DCHS2: variants seen among roughly 807,000 people sequenced by gnomAD.
DCHS2 encodes the protein dachsous cadherin-related 2.
DCHS2 carries 142 observed loss-of-function variants against 182.4 expected under a neutral mutation model. That is an observed-to-expected ratio of 0.78 (90% CI 0.68 to 0.89). DCHS2 has a LOEUF of 0.89. Among genes scored for constraint, DCHS2 ranks in the 40% least tolerant of loss-of-function variants. The pLI is 0.00. For synonymous variants in DCHS2, 1,740 were observed against 1,663.3 expected (o/e 1.05, Z -1.12); for missense variants, 4,319 against 4,198.6 (o/e 1.03, Z -0.79).
intron 3 of DCHS2, among the ~76,000 whole-genome samples, chr4:154,365,024 A>C (rs1730286737): frequency 6.6e-6 from 1 of 152,178 alleles, no homozygotes; most frequent in Admixed American, 6.5e-5. Flanking sequence ...TTATAATCAA[A>C]TATTTAAACC....
rs58997243 is a variant in DCHS2, at chr4:154,350,090, T to C, written c.2477-14986A>G. On this transcript the variant is annotated intron_variant, in intron 3 of 19. Coordinates refer to ENST00000357232, the MANE Select transcript of DCHS2 (RefSeq NM_001358235.2). ...CTTCTCTCAGCAACTGCTTCTTCAT[T>C]GGAAACATAAGGAAACGCGTAGGCT... 7.1e-3 allele frequency among the ~76,000 whole-genome samples: 1,077 copies of C among 152,302 alleles called. 11 individuals carry two copies. Among genetic ancestry groups the C allele is most frequent in the African/African-American group, 0.024 (1,006 of 41,568 alleles).
intron 1 of DCHS2, among the ~76,000 whole-genome samples, chr4:154,420,214 C>T (rs1733045671): frequency 6.6e-6 from 1 of 150,842 alleles, no homozygotes; most frequent in African/African-American, 2.4e-5. Context: ...CAGAGTTCTC[C>T]AGAGAAACAG....
Position 154,490,437 on chromosome 4 carries a change from C to A in DCHS2, c.919G>T (p.Glu307Ter). 6.5e-7 allele frequency: 1 copy of A among 1,534,552 alleles called. No homozygotes were observed. Among genetic ancestry groups the A allele is most frequent in the Non-Finnish European group, 8.7e-7 (1 of 1,145,480 alleles). Residue 307 changes from glutamate to a stop codon, truncating the protein, a stop_gained, in exon 1 of 20, where the codon GAG (glutamate) becomes TAG (stop). Transcript: ENST00000357232. LOFTEE classifies it high-confidence loss of function. ...EQDEYRAAVREDAQPGAEVCR... is the reference protein window; with the variant it reads ...EQDEYRAAVR ...ACCTCGGCGCCCGGCTGGGCGTCCT[C>A]GCGCACCGCGGCGCGGTACTCGTCC... is the stretch of plus-strand genomic sequence containing the variant.
intron 1 of DCHS2, among the ~76,000 whole-genome samples, chr4:154,398,594 C>A (rs554680222): frequency 6.6e-6 from 1 of 152,218 alleles, no homozygotes; most frequent in South Asian, 2.1e-4. Context: ...AGAATAACTT[C>A]CAAAATTTTT....
chr4:154,333,063 G>C lies in DCHS2; in HGVS notation c.3145C>G (p.Leu1049Val), dbSNP rs548645543. ...TCCTCGGCCCTGAGAGTCAGCGTGA[G>C]CTCCCGCTGCTCGCCCGCGCCCAGG... ...GSLGAGEQRELTLTLRAEDQG... is the reference protein window; with the variant it reads ...GSLGAGEQREVTLTLRAEDQG... The change falls in exon 5 of 20, where the codon CTC becomes GTC. Residue 1049 changes from leucine (L) to valine (V), a missense_variant. Coordinates refer to ENST00000357232, the MANE Select transcript of DCHS2 (RefSeq NM_001358235.2). 31 of 1,614,018 alleles carry C rather than the reference G, an allele frequency of 1.9e-5. No individual in the cohort carries two copies. In the Admixed American group the frequency reaches 5.0e-4, roughly 26 times the overall value.
chr4:154,382,682 A>C (rs1309958683), intron 1 of DCHS2, among the ~76,000 whole-genome samples: 1 of 152,192 alleles, frequency 6.6e-6, no homozygotes, highest in Non-Finnish European at 1.5e-5. Context: ...AAAAGTGGGC[A>C]AAAGACATTA....
chr4:154,452,299 C>T (rs1274167480), intron 1 of DCHS2, among the ~76,000 whole-genome samples: 2 of 152,218 alleles, frequency 1.3e-5, no homozygotes, highest in Non-Finnish European at 2.9e-5. Context: ...TAATACTCTC[C>T]TAACATGTAT....
chr4:154,297,817 G>A (rs1734999645), intron 13 of DCHS2, 34 bp downstream of exon 13: 3 of 1,578,758 alleles, frequency 1.9e-6, no homozygotes, highest in Non-Finnish European at 2.6e-6. Flanking sequence ...GTCAAAACAG[G>A]TACAATATAT....
chr4:154,461,238 C>T (rs149218076), intron 1 of DCHS2, among the ~76,000 whole-genome samples: 2,356 of 152,248 alleles, frequency 0.015, 29 homozygotes, highest in Admixed American at 0.02. Flanking sequence ...ATTGAAAACA[C>T]GTTTATCCTT....
intron 14 of DCHS2, among the ~76,000 whole-genome samples, chr4:154,264,219 A>G (rs988753444): frequency 2.6e-5 from 4 of 152,220 alleles, no homozygotes; most frequent in Non-Finnish European, 5.9e-5. Context: ...CTCATAGTCT[A>G]CAAGCACTAA....
intron 1 of DCHS2, among the ~76,000 whole-genome samples, chr4:154,466,366 G>A (rs759592344): frequency 6.6e-6 from 1 of 152,166 alleles, no homozygotes; most frequent in African/African-American, 2.4e-5. Flanking sequence ...AATTACCCAA[G>A]TCTAAGTTTT....
intron 1 of DCHS2, among the ~76,000 whole-genome samples, chr4:154,447,016 G>T (rs1734327444): frequency 1.3e-5 from 2 of 152,050 alleles, no homozygotes; most frequent in African/African-American, 4.8e-5. Flanking sequence ...TCTGGGCCAT[G>T]CACAGTGGCT....
In DCHS2 at chr4:154,332,839, C is replaced by T. The variant is rs1021249280; in HGVS notation, c.3369G>A (p.Ser1123=). 6 of 1,614,094 alleles carry T rather than the reference C, an allele frequency of 3.7e-6. No individual in the cohort carries two copies. Among genetic ancestry groups the T allele is most frequent in the Non-Finnish European group, 5.1e-6 (6 of 1,180,040 alleles). Residue 1123 remains serine, a synonymous_variant, in exon 5 of 20, where the codon TCG becomes TCA. Transcript: ENST00000357232. ...PQRAASPLRY[S]LEPSVDSAMF... ...TAGCAGAGTCTACGCTGGGTTCCAGCGAGTACCTAAGAGGCGAGGCTGCAC... is the reference window on the plus strand; with the variant it reads ...TAGCAGAGTCTACGCTGGGTTCCAGTGAGTACCTAAGAGGCGAGGCTGCAC...
intron 1 of DCHS2, among the ~76,000 whole-genome samples, chr4:154,403,015 A>G (rs1415704009): frequency 2.0e-5 from 3 of 152,216 alleles, no homozygotes; most frequent in African/African-American, 7.2e-5. Flanking sequence ...CTTGTGGTAT[A>G]TTGACCTTGT....
At chr4:154,374,047 A>G in intron 2 of DCHS2, 2 of 1,095,768 alleles carry the variant, frequency 1.8e-6, no homozygotes, top group Non-Finnish European at 2.6e-6. Flanking sequence ...AACCACCTCT[A>G]TATCTACAAT....
At chr4:154,275,444 T>C (rs2111219277) in intron 13 of DCHS2, among the ~76,000 whole-genome samples, 1 of 152,262 alleles carries the variant, frequency 6.6e-6, no homozygotes, top group South Asian at 2.1e-4. Flanking sequence ...TCAATCATGG[T>C]GGAATCAAGT....
At chr4:154,420,932 G>A (rs1733084833) in intron 1 of DCHS2, among the ~76,000 whole-genome samples, 1 of 152,006 alleles carries the variant, frequency 6.6e-6, no homozygotes, top group Admixed American at 6.6e-5. Context: ...AACTAAACTA[G>A]TAATTACCAA....
At chr4:154,453,649 C>G (rs150234270) in intron 1 of DCHS2, among the ~76,000 whole-genome samples, 1 of 152,078 alleles carries the variant, frequency 6.6e-6, no homozygotes, top group Non-Finnish European at 1.5e-5. Context: ...CAGTCTGAGT[C>G]TCTTCCTGCC....
At chr4:154,474,839 C>T (rs1354821964) in intron 1 of DCHS2, among the ~76,000 whole-genome samples, 1 of 152,192 alleles carries the variant, frequency 6.6e-6, no homozygotes, top group African/African-American at 2.4e-5. Flanking sequence ...TCTTAGAATA[C>T]TGCCTGGCAA....
Sources: allele counts gnomAD v4.1 joint callset (sites outside exome capture counted in the v4.1 genomes callset), GRCh38; gene constraint gnomAD v4.1.1; transcripts MANE v1.5; gene names NCBI Gene and HGNC (gene_info 2026-07-23, HGNC 2026-07-21).